Variants in AGO1 observed in about 807,000 individuals in gnomAD.
The protein encoded by AGO1 is argonaute RISC component 1.
In AGO1, 11 loss-of-function variants were observed where a neutral mutation model predicts 109.2. That is an observed-to-expected ratio of 0.10 (90% CI 0.06 to 0.17). The LOEUF (loss-of-function observed/expected upper bound fraction) is 0.17, where lower values mean the gene tolerates loss of function less well. Among genes scored for constraint, AGO1 ranks in the 10% least tolerant of loss-of-function variants. The pLI is 1.00. For missense variants in AGO1, 574 were observed against 1,140.3 expected (o/e 0.50, Z 7.15); for synonymous variants, 422 against 418.6 (o/e 1.01, Z -0.10).
intron 12 of AGO1, 101 bp downstream of exon 12, chr1:35,907,220 C>G (rs754169573): frequency 2.3e-4 from 260 of 1,141,552 alleles, no homozygotes; most frequent in Non-Finnish European, 3.0e-4. Context: ...TTGGCTTTGA[C>G]CAGAGCTGTT....
rs1167301864 is a variant in AGO1, at chr1:35,883,386, T to G, written c.-36T>G. The G allele has an allele frequency of 1.3e-6, 2 of 1,581,486 alleles. No individual in the cohort carries two copies. The highest frequency in any genetic ancestry group is 1.8e-5 in the Admixed American group (1 of 56,242). ...AGGCCCCTCACGCTGGACTTCACAG[T>G]CTCCGGGCCGCCTGACCTCCGCACG... On this transcript the variant is annotated 5_prime_UTR_variant, in exon 1 of 19. Coordinates refer to ENST00000373204, the MANE Select transcript of AGO1 (RefSeq NM_012199.5). This position sits in a 1 kb window ranked among gnomAD's most constrained non-coding sequence, Gnocchi z 5.4.
intron 12 of AGO1, among the ~76,000 whole-genome samples, chr1:35,908,995 T>C (rs1645581975): frequency 6.6e-6 from 1 of 152,056 alleles, no homozygotes; most frequent in South Asian, 2.1e-4. Flanking sequence ...TTTTTATATT[T>C]TTAGTACAGA....
At chr1:35,890,693 A>G (rs181075298) in intron 2 of AGO1, among the ~76,000 whole-genome samples, 356 of 152,254 alleles carry the variant, frequency 2.3e-3, no homozygotes, top group Non-Finnish European at 3.5e-3. Context: ...GGCCTAATAC[A>G]TTTCAGAGTT....
chr1:35,891,243 C>A (rs1448188744), intron 2 of AGO1, among the ~76,000 whole-genome samples: 1 of 152,168 alleles, frequency 6.6e-6, no homozygotes, highest in South Asian at 2.1e-4. Flanking sequence ...CAGTAGTAGT[C>A]AAGAACTTTG....
At chr1:35,915,251 A>C in intron 14 of AGO1, 97 bp from the exon 15 acceptor site, 2 of 1,024,476 alleles carry the variant, frequency 2.0e-6, no homozygotes, top group South Asian at 3.1e-5. Context: ...CTAGTCATTC[A>C]GTTGTAGTTT....
chr1:35,901,996 A>G lies in AGO1; in HGVS notation c.1189A>G (p.Ile397Val). ...NLDPYIQEFG[I>V]KVKDDMTEVT... ...AGATCCCTACATCCAGGAATTTGGG[A>G]TCAAAGTGAAGGATGACATGACGGA... is the stretch of plus-strand genomic sequence containing the variant. Residue 397 changes from isoleucine (I) to valine (V), a missense_variant, in exon 10 of 19, where the codon ATC becomes GTC. By Grantham distance (29) the Ile-to-Val change is conservative (BLOSUM62 3). This residue lies in a region of AGO1 where 106 missense variants were observed against 147.8 expected (regional missense o/e 0.72). Transcript: ENST00000373204. The surrounding 1 kb of genome is among the most constrained non-coding windows in gnomAD (Gnocchi z 4.8). 2 of 1,611,322 alleles carry G rather than the reference A, an allele frequency of 1.2e-6. No homozygotes were observed. The highest frequency in any genetic ancestry group is 1.7e-6 in the Non-Finnish European group (2 of 1,178,774).
At chr1:35,890,336 C>CTT (rs1645195200) in intron 2 of AGO1, among the ~76,000 whole-genome samples, 1 of 152,172 alleles carries the variant, frequency 6.6e-6, no homozygotes, top group African/African-American at 2.4e-5. Flanking sequence ...TGTTACCATT[C>CTT]TTGAATATGC....
rs17855789 is a variant in AGO1, at chr1:35,894,111, G to A, written c.724G>A (p.Asp242Asn). Residue 242 changes from aspartate to asparagine, a missense_variant, in exon 6 of 19, where the codon GAT (aspartate) becomes AAT (asparagine). Transcript: ENST00000373204. ...MCEVLDIRNI[D>N]EQPKPLTDSQ... ...TGAGGTGCTGGACATCAGGAACATA[G>A]ATGAGCAGCCCAAGCCCCTCACGGA... 2.5e-6 allele frequency: 4 copies of A among 1,591,290 alleles called. No homozygotes were observed. The highest frequency in any genetic ancestry group is 2.6e-6 in the Non-Finnish European group (3 of 1,169,584).
chr1:35,883,092 G>T, upstream of AGO1: 1 of 1,059,582 alleles, frequency 9.4e-7, no homozygotes, highest in Non-Finnish European at 1.1e-6. This position sits in a 1 kb window ranked among gnomAD's most constrained non-coding sequence, Gnocchi z 5.4. Context: ...GACCGCCAGG[G>T]GCCGCTGCCT....
Position 35,901,894 on chromosome 1 carries a change from G to T in AGO1, c.1141-54G>T. On this transcript the variant is annotated intron_variant, in intron 9 of 18. Coordinates refer to ENST00000373204, the MANE Select transcript of AGO1 (RefSeq NM_012199.5). This position sits in a 1 kb window ranked among gnomAD's most constrained non-coding sequence, Gnocchi z 4.8. Reference sequence around the variant, plus strand: ...GTTCTCTCCTTGATACCCAGAGGGTGAGCAGTATTGCCAAGCTCCTGTTCT... The same window carrying T: ...GTTCTCTCCTTGATACCCAGAGGGTTAGCAGTATTGCCAAGCTCCTGTTCT... 2.0e-6 allele frequency: 3 copies of T among 1,537,932 alleles called. No individual in the cohort carries two copies. Among genetic ancestry groups the T allele is most frequent in the East Asian group, 4.5e-5 (2 of 44,258 alleles).
rs933923210 is a variant in AGO1 at position 35,927,670 on chromosome 1, C to T, written c.*8063C>T. On this transcript the variant is annotated 3_prime_UTR_variant, in exon 19 of 19. Coordinates refer to ENST00000373204, the MANE Select transcript of AGO1 (RefSeq NM_012199.5). ...TAGATTAATGAATTATCCTTTGAGT[C>T]GTGTAGACTAGAAAGTTCAGTCATG... The T allele has an allele frequency of 6.6e-6, 1 of 152,138 alleles. No homozygotes were observed. Among genetic ancestry groups the T allele is most frequent in the Non-Finnish European group, 1.5e-5 (1 of 68,034 alleles). 9.4% of individuals were successfully genotyped at this position (152,138 alleles called of 1,614,324 possible). A position where few individuals can be genotyped will look rare whatever the true frequency, so the allele number is the denominator to read the frequency against.
At chr1:35,900,771 A>C (rs574960088) in intron 8 of AGO1, among the ~76,000 whole-genome samples, 1 of 151,998 alleles carries the variant, frequency 6.6e-6, no homozygotes, top group South Asian at 2.1e-4. Context: ...TTAGCGAGGC[A>C]TGGTGGCGGG....
upstream of AGO1, chr1:35,882,903 C>T (rs1382238693): frequency 3.0e-6 from 3 of 985,294 alleles, no homozygotes; most frequent in South Asian, 4.7e-5. The surrounding 1 kb of genome is among the most constrained non-coding windows in gnomAD (Gnocchi z 5.1). Flanking sequence ...AATGTGTGCG[C>T]GCAGCTCGGT....
intron 8 of AGO1, 53 bp downstream of exon 8, chr1:35,895,322 T>G: frequency 6.5e-7 from 1 of 1,534,230 alleles, no homozygotes; most frequent in Non-Finnish European, 8.8e-7. Context: ...ACCTGCATGC[T>G]GATCATCAGA....
intron 15 of AGO1, among the ~76,000 whole-genome samples, chr1:35,916,083 GTAT>G (rs1557622577): frequency 2.0e-5 from 3 of 150,646 alleles, no homozygotes. Flanking sequence ...CCATTTAATA[GTAT>G]TATAACTACT....
rs1645927931 is a variant in AGO1 at position 35,926,364 on chromosome 1, T to C, written c.*6757T>C. ...ATTCCTTTTCATTACTGGTTGAGCATCCTTCCTTCTGCTCTGTCAATTGGC... is the reference window on the plus strand; with the variant it reads ...ATTCCTTTTCATTACTGGTTGAGCACCCTTCCTTCTGCTCTGTCAATTGGC... On this transcript the variant is annotated 3_prime_UTR_variant, in exon 19 of 19. Transcript: ENST00000373204. 1 of 152,196 alleles carries C rather than the reference T, an allele frequency of 6.6e-6. No individual in the cohort carries two copies. The highest frequency in any genetic ancestry group is 1.5e-5 in the Non-Finnish European group (1 of 68,056). The allele number at this position is 152,196 out of a possible 1,614,324, so 9.4% of individuals were successfully genotyped here. A position where few individuals can be genotyped will look rare whatever the true frequency, so the allele number is the denominator to read the frequency against.
At position 35,919,091 on chromosome 1, in the gene AGO1, G is replaced by A; in HGVS notation, c.2302G>A (p.Asp768Asn). 6.2e-7 allele frequency: 1 copy of A among 1,614,160 alleles called. No individual in the cohort carries two copies. The part of the protein sequence containing the change: ...SRPSHYYVLW[D>N]DNRFTADELQ... ...ACCATCCCATTACTATGTTCTTTGGGATGACAACCGTTTCACAGCAGATGA... is the reference window on the plus strand; with the variant it reads ...ACCATCCCATTACTATGTTCTTTGGAATGACAACCGTTTCACAGCAGATGA... Residue 768 changes from aspartate (D) to asparagine (N), a missense_variant, in exon 18 of 19, where the codon GAT becomes AAT. Asp to Asn is a conservative substitution (Grantham distance 23). Around this residue, in one of 8 missense-constraint regions of AGO1, gnomAD observed 62 missense variants for 192.0 expected, o/e 0.32. Coordinates refer to ENST00000373204, the MANE Select transcript of AGO1 (RefSeq NM_012199.5). The surrounding 1 kb of genome is among the most constrained non-coding windows in gnomAD (Gnocchi z 6.6).
intron 2 of AGO1, among the ~76,000 whole-genome samples, chr1:35,890,879 G>T (rs1368032943): frequency 6.6e-6 from 1 of 151,524 alleles, no homozygotes. Flanking sequence ...AAGTGAAGTT[G>T]AATATATTTT....
At chr1:35,902,128 TAGCC>T in intron 10 of AGO1, 58 bp downstream of exon 10, 1 of 1,585,562 alleles carries the variant, frequency 6.3e-7, no homozygotes, top group Non-Finnish European at 8.6e-7. Flanking sequence ...TTGGGTTGTA[TAGCC>T]AGGGGCTTTT....
Sources: allele counts gnomAD v4.1 joint callset (sites outside exome capture counted in the v4.1 genomes callset), GRCh38; gene constraint gnomAD v4.1.1; regional missense constraint gnomAD v4.1.1; non-coding constraint Gnocchi (gnomAD v3.1); transcripts MANE v1.5; gene names NCBI Gene and HGNC (gene_info 2026-07-23, HGNC 2026-07-21).